PRKG1: variants seen among roughly 807,000 people sequenced by gnomAD.
The protein encoded by PRKG1 is protein kinase cGMP-dependent 1.
A neutral mutation model predicts 88.1 loss-of-function variants in PRKG1; 35 were observed. The ratio of observed to expected loss-of-function variants is 0.40; its 90% confidence interval spans 0.30 to 0.53. The LOEUF (loss-of-function observed/expected upper bound fraction) is 0.53, where lower values mean the gene tolerates loss of function less well. PRKG1 is among the 20% of genes least tolerant of loss of function. The pLI, the probability that PRKG1 is intolerant of heterozygous loss-of-function variation, is 0.59. For synonymous variants in PRKG1, 303 were observed against 292.5 expected (o/e 1.04, Z -0.37); for missense variants, 540 against 839.8 (o/e 0.64, Z 4.41).
intron 5 of PRKG1, among the ~76,000 whole-genome samples, chr10:51,930,735 C>A (rs2133003157): frequency 6.6e-6 from 1 of 152,122 alleles, no homozygotes; most frequent in Middle Eastern, 3.4e-3. Flanking sequence ...TAGCAATCTG[C>A]CTGCCTCAGC....
chr10:51,706,407 C>A (rs1841605065), intron 3 of PRKG1, among the ~76,000 whole-genome samples: 1 of 152,142 alleles, frequency 6.6e-6, no homozygotes, highest in South Asian at 2.1e-4. Context: ...CTGTTATTGG[C>A]AAGTGCAGAT....
chr10:51,585,615 T>C (rs1396459968), intron 3 of PRKG1, among the ~76,000 whole-genome samples: 2 of 152,148 alleles, frequency 1.3e-5, no homozygotes, highest in Non-Finnish European at 2.9e-5. Flanking sequence ...ATTCTGTTAC[T>C]GGGTATATAT....
chr10:51,367,607 T>C (rs920619785), intron 2 of PRKG1, among the ~76,000 whole-genome samples: 1 of 151,952 alleles, frequency 6.6e-6, no homozygotes, highest in Non-Finnish European at 1.5e-5. Flanking sequence ...TTTTATACCT[T>C]TCATCCTTTT....
intron 2 of PRKG1, among the ~76,000 whole-genome samples, chr10:51,248,064 G>C (rs1246751392): frequency 6.6e-6 from 1 of 151,910 alleles, no homozygotes; most frequent in African/African-American, 2.4e-5. Flanking sequence ...GTAAAAGGGA[G>C]TAAATGAACC....
chr10:52,237,286 C>G (rs887937058), intron 9 of PRKG1, among the ~76,000 whole-genome samples: 2 of 146,432 alleles, frequency 1.4e-5, no homozygotes, highest in Non-Finnish European at 1.5e-5. Flanking sequence ...TCTCACCACT[C>G]CTATTCAACA....
At chr10:52,265,161 G>A (rs972496788) in intron 10 of PRKG1, among the ~76,000 whole-genome samples, 1 of 152,086 alleles carries the variant, frequency 6.6e-6, no homozygotes, top group Non-Finnish European at 1.5e-5. Context: ...GAGGCCCAGT[G>A]AGATTATATG....
intron 9 of PRKG1, among the ~76,000 whole-genome samples, chr10:52,175,277 T>C (rs967846717): frequency 6.6e-6 from 1 of 152,138 alleles, no homozygotes; most frequent in African/African-American, 2.4e-5. Context: ...CTTAACATAA[T>C]GTCCTTCAGT....
At chr10:51,182,226 T>G (rs183616307) in intron 2 of PRKG1, among the ~76,000 whole-genome samples, 1 of 152,356 alleles carries the variant, frequency 6.6e-6, no homozygotes, top group African/African-American at 2.4e-5. Flanking sequence ...TTGAAGACTT[T>G]GGGATGAAGA....
chr10:52,220,429 A>G (rs1840215356), intron 9 of PRKG1, among the ~76,000 whole-genome samples: 1 of 151,852 alleles, frequency 6.6e-6, no homozygotes, highest in African/African-American at 2.4e-5. Context: ...ATATATATAT[A>G]TGTAAGTTCA....
intron 4 of PRKG1, among the ~76,000 whole-genome samples, chr10:51,868,428 T>C (rs1841071563): frequency 6.6e-6 from 1 of 152,178 alleles, no homozygotes; most frequent in Non-Finnish European, 1.5e-5. Context: ...GTAGCATTGT[T>C]TGTGGCAAAG....
intron 2 of PRKG1, among the ~76,000 whole-genome samples, chr10:51,330,842 T>C (rs944540090): frequency 1.3e-5 from 2 of 152,232 alleles, no homozygotes; most frequent in African/African-American, 4.8e-5. Flanking sequence ...ATTTCCCCAA[T>C]AGTTCTTGAT....
At chr10:52,252,316 A>T (rs920351700) in intron 10 of PRKG1, 3 of 152,302 alleles carry the variant, frequency 2.0e-5, no homozygotes, top group African/African-American at 7.2e-5. Flanking sequence ...AAACAATATG[A>T]AAACGTACTC....
intron 7 of PRKG1, among the ~76,000 whole-genome samples, chr10:52,094,409 C>A (rs1847126993): frequency 6.6e-6 from 1 of 152,098 alleles, no homozygotes; most frequent in Non-Finnish European, 1.5e-5. Flanking sequence ...GTACTCATAT[C>A]ACTTGATGCT....
At chr10:52,215,037 CAAAA>C (rs5784912) in intron 9 of PRKG1, among the ~76,000 whole-genome samples, 2 of 134,052 alleles carry the variant, frequency 1.5e-5, no homozygotes, top group Non-Finnish European at 3.3e-5. Flanking sequence ...AAAGTTTTTT[CAAAA>C]AAAAAAAAAA....
At chr10:51,139,981 G>A (rs10995837) in intron 1 of PRKG1, among the ~76,000 whole-genome samples, 69 of 152,138 alleles carry the variant, frequency 4.5e-4, no homozygotes, top group African/African-American at 1.6e-3. Flanking sequence ...CTTATGTCTC[G>A]AAATTGACCT....
At chr10:52,275,207 T>C (rs904477531) in intron 12 of PRKG1, among the ~76,000 whole-genome samples, 3 of 152,144 alleles carry the variant, frequency 2.0e-5, no homozygotes, top group African/African-American at 7.2e-5. Context: ...CTATTTATCT[T>C]TGTTTTCATT....
chr10:51,525,611 T>C (rs924386029), intron 3 of PRKG1, among the ~76,000 whole-genome samples: 2 of 152,052 alleles, frequency 1.3e-5, no homozygotes, highest in Non-Finnish European at 2.9e-5. Flanking sequence ...GGCAGGAGAA[T>C]GGCGTGAACC....
chr10:51,621,259 G>A (rs1363266172), intron 3 of PRKG1, among the ~76,000 whole-genome samples: 2 of 151,806 alleles, frequency 1.3e-5, no homozygotes, highest in Non-Finnish European at 2.9e-5. Flanking sequence ...GGCTAGGTGA[G>A]ATCAGATGAA....
At chr10:51,794,562 T>C (rs1381092579) in intron 3 of PRKG1, among the ~76,000 whole-genome samples, 2 of 152,112 alleles carry the variant, frequency 1.3e-5, no homozygotes, top group Non-Finnish European at 2.9e-5. Context: ...TAATATATTG[T>C]ATATATAGTG....
Sources: allele counts gnomAD v4.1 joint callset (sites outside exome capture counted in the v4.1 genomes callset), GRCh38; gene constraint gnomAD v4.1.1; transcripts MANE v1.5; gene names NCBI Gene and HGNC (gene_info 2026-07-23, HGNC 2026-07-21).